Variants in AKR1C3 observed in about 807,000 individuals in gnomAD.
AKR1C3 encodes the protein aldo-keto reductase family 1 member C3, also known as 3-alpha hydroxysteroid dehydrogenase, type II.
A neutral mutation model predicts 43.6 loss-of-function variants in AKR1C3; 48 were observed. That is an observed-to-expected ratio of 1.10 (90% CI 0.87 to 1.40). The LOEUF is 1.40. Among genes scored for constraint, AKR1C3 ranks in the 40% most tolerant of loss-of-function variants. The pLI is 0.00. For missense variants in AKR1C3, 482 were observed against 391.2 expected (o/e 1.23, Z -1.96); for synonymous variants, 162 against 139.6 (o/e 1.16, Z -1.13).
chr10:5,062,674 A>G (rs1180167782), intron 1 of AKR1C3, among the ~76,000 whole-genome samples: 3 of 152,170 alleles, frequency 2.0e-5, no homozygotes, highest in South Asian at 2.1e-4. Flanking sequence ...CTCAAAACTT[A>G]CAGGTCAAGT....
chr10:5,097,520 C>T lies in AKR1C3; in HGVS notation c.339C>T (p.Leu113=), dbSNP rs782603138. The change falls in exon 3 of 9, where the codon CTC becomes CTT. Residue 113 remains leucine, a synonymous_variant. Transcript: ENST00000380554. ...AAGCTCAATTGGACTATGTTGACCTCTATCTTATTCATTCTCCAATGTCTC... is the reference window on the plus strand; with the variant it reads ...AAGCTCAATTGGACTATGTTGACCTTTATCTTATTCATTCTCCAATGTCTC... ...LKKAQLDYVD[L]YLIHSPMSLK... 1.2e-6 allele frequency: 2 copies of T among 1,613,644 alleles called. No homozygotes were observed. The highest frequency in any genetic ancestry group is 1.7e-6 in the Non-Finnish European group (2 of 1,179,724).
upstream of AKR1C3, chr10:5,094,184 C>A: frequency 4.3e-6 from 1 of 231,790 alleles, no homozygotes; most frequent in Non-Finnish European, 8.5e-6. Context: ...GAAAATAATA[C>A]TTTAGATAGA....
At chr10:5,084,769 G>C (rs1750834793) in intron 1 of AKR1C3, among the ~76,000 whole-genome samples, 1 of 152,116 alleles carries the variant, frequency 6.6e-6, no homozygotes, top group Non-Finnish European at 1.5e-5. Context: ...GTGGTTTGTA[G>C]TTCTCCTTGA....
intron 1 of AKR1C3, among the ~76,000 whole-genome samples, chr10:5,057,973 G>C (rs1166307842): frequency 6.6e-6 from 1 of 152,142 alleles, no homozygotes; most frequent in Non-Finnish European, 1.5e-5. Flanking sequence ...ACTTCCCCAG[G>C]TCTGCCTTGA....
At chr10:5,087,496 C>T (rs1176956144) in intron 1 of AKR1C3, among the ~76,000 whole-genome samples, 3 of 151,574 alleles carry the variant, frequency 2.0e-5, no homozygotes, top group African/African-American at 7.3e-5. Context: ...CCTCAGCCTT[C>T]CAAGTAGCTG....
chr10:5,096,440 A>T lies in AKR1C3; in HGVS notation c.115A>T (p.Lys39Ter), dbSNP rs1347778026. The T allele has an allele frequency of 6.2e-7, 1 of 1,613,644 alleles. No homozygotes were observed. Among genetic ancestry groups the T allele is most frequent in the Admixed American group, 1.7e-5 (1 of 60,010 alleles). ...VPRSKALEVT[K>*]LAIEAGFRHI... ...GAGAAGTAAAGCTTTGGAGGTCACA[A>T]AATTAGCAATAGAAGCTGGGTTCCG... Residue 39 changes from lysine to a stop codon, truncating the protein, a stop_gained, in exon 2 of 9, where the codon AAA becomes TAA. Coordinates refer to ENST00000380554, the MANE Select transcript of AKR1C3 (RefSeq NM_003739.6). LOFTEE classifies it high-confidence loss of function.
intron 1 of AKR1C3, among the ~76,000 whole-genome samples, chr10:5,074,649 A>G (rs1403750088): frequency 6.6e-6 from 1 of 152,238 alleles, no homozygotes; most frequent in African/African-American, 2.4e-5. Context: ...AGCCAAAGAG[A>G]AAATTCTAGC....
At chr10:5,102,939 GGTTTT>G (rs1190949980) in intron 7 of AKR1C3, among the ~76,000 whole-genome samples, 1 of 141,270 alleles carries the variant, frequency 7.1e-6, no homozygotes, top group Non-Finnish European at 1.6e-5. Context: ...TTGTTTGTTT[GGTTTT>G]GGTTTTTTTT....
chr10:5,054,042 G>T (rs1838211064), intron 1 of AKR1C3, among the ~76,000 whole-genome samples: 1 of 152,216 alleles, frequency 6.6e-6, no homozygotes, highest in Non-Finnish European at 1.5e-5. Context: ...AATTTGAAAG[G>T]CGTTGTCTGA....
intron 1 of AKR1C3, among the ~76,000 whole-genome samples, chr10:5,076,022 C>A (rs1184775272): frequency 6.6e-6 from 1 of 152,162 alleles, no homozygotes; most frequent in East Asian, 1.9e-4. Flanking sequence ...CCAGTTGTTT[C>A]ACCCTTTATT....
intron 1 of AKR1C3, among the ~76,000 whole-genome samples, chr10:5,065,928 A>G (rs953274855): frequency 2.6e-5 from 4 of 152,018 alleles, no homozygotes; most frequent in Admixed American, 2.0e-4. Flanking sequence ...CTTGGGGTGT[A>G]GTTTCTACCT....
intron 1 of AKR1C3, among the ~76,000 whole-genome samples, chr10:5,084,664 G>A (rs576403408): frequency 7.2e-5 from 11 of 152,094 alleles, no homozygotes; most frequent in African/African-American, 2.2e-4. Context: ...AAATTACCTT[G>A]GGCAGTATGG....
intron 8 of AKR1C3, among the ~76,000 whole-genome samples, chr10:5,107,241 G>A (rs1839529461): frequency 2.0e-5 from 3 of 152,048 alleles, no homozygotes; most frequent in South Asian, 2.1e-4. Context: ...GACTTTGTGT[G>A]TTTTACGTGT....
At chr10:5,106,919 A>AT (rs1554787376) in intron 8 of AKR1C3, among the ~76,000 whole-genome samples, 3 of 138,928 alleles carry the variant, frequency 2.2e-5, no homozygotes, top group Admixed American at 7.3e-5. Context: ...AAAATAAATA[A>AT]AAAAAGGAAA....
Position 5,107,577 on chromosome 10 carries a change from G to C in AKR1C3, c.*74G>C. ...TGACGCAGAGGACGTCTCTATGCCG[G>C]TGACTGGACATATCACCTCTACTTA... On this transcript the variant is annotated 3_prime_UTR_variant, in exon 9 of 9. Transcript: ENST00000380554. 8.2e-7 allele frequency: 1 copy of C among 1,214,484 alleles called. No individual in the cohort carries two copies. Among genetic ancestry groups the C allele is most frequent in the East Asian group, 2.4e-5 (1 of 41,848 alleles). 75.2% of individuals were successfully genotyped at this position (1,214,484 alleles called of 1,614,324 possible). A position where few individuals can be genotyped will look rare whatever the true frequency, so the allele number is the denominator to read the frequency against.
chr10:5,048,942 GAA>G, intron 1 of AKR1C3: 1 of 1,501,162 alleles, frequency 6.7e-7, no homozygotes. Flanking sequence ...AGCAAAGCCA[GAA>G]TAAGTGGAAG....
chr10:5,105,741 TGAGAGTGACCTCCATACCA>T, intron 8 of AKR1C3, 64 bp downstream of exon 8: 1 of 1,303,108 alleles, frequency 7.7e-7, no homozygotes, highest in Non-Finnish European at 1.1e-6. Flanking sequence ...GGATGGGTGT[TGAGAGTGACCTCCATACCA>T]GAGGGACAGA....
intron 7 of AKR1C3, among the ~76,000 whole-genome samples, chr10:5,102,859 A>AT (rs1490939854): frequency 2.0e-5 from 3 of 151,872 alleles, no homozygotes; most frequent in South Asian, 4.2e-4. Flanking sequence ...AAAAATGGAG[A>AT]TTTTTTTATT....
intron 2 of AKR1C3, 61 bp from the exon 3 acceptor site, chr10:5,097,373 A>C (rs1839230769): frequency 6.3e-7 from 1 of 1,583,722 alleles, no homozygotes; most frequent in Non-Finnish European, 8.6e-7. Flanking sequence ...TAGATGGCAC[A>C]AAGTAATAAG....
Sources: allele counts gnomAD v4.1 joint callset (sites outside exome capture counted in the v4.1 genomes callset), GRCh38; gene constraint gnomAD v4.1.1; transcripts MANE v1.5; gene names NCBI Gene and HGNC (gene_info 2026-07-23, HGNC 2026-07-21).